TNR: variants seen among roughly 807,000 people sequenced by gnomAD.
TNR encodes the protein tenascin R.
In TNR, 45 loss-of-function variants were observed where a neutral mutation model predicts 150.4. The observed-to-expected ratio is 0.30, with a 90% CI of 0.24 to 0.38. The LOEUF (loss-of-function observed/expected upper bound fraction) is 0.38. Ranked by LOEUF, TNR falls within the 10% of genes least tolerant of loss-of-function variation. The probability of loss-of-function intolerance (pLI) is 1.00; values close to 1 mark genes in which losing one functional copy is unlikely to be tolerated. For synonymous variants in TNR, 687 were observed against 678.4 expected (o/e 1.01, Z -0.20); for missense variants, 1,544 against 1,759.1 (o/e 0.88, Z 2.19).
rs980158879 is a variant in TNR, at chr1:175,483,008, C to T, written c.-64+45261G>A. On this transcript the variant is annotated intron_variant, in intron 2 of 22. Coordinates refer to ENST00000367674, the MANE Select transcript of TNR (RefSeq NM_003285.3). ...TGGGAAGAGGGGTTGAGCAATTCCT[C>T]CAAACTGAATTAGGGATTGCCTGCA... Among the ~76,000 whole-genome samples the T allele has an allele frequency of 2.6e-5, 4 of 152,200 alleles. No homozygotes were observed. The South Asian group carries it at 6.2e-4, about 24-fold the overall frequency.
In TNR at chr1:175,623,455, A is replaced by T. The variant is rs73033313; in HGVS notation, c.-164-95086T>A. 8.6e-3 allele frequency among the ~76,000 whole-genome samples: 1,312 copies of T among 152,264 alleles called. 15 individuals are homozygous for T. The highest frequency in any genetic ancestry group is 0.03 in the African/African-American group (1,249 of 41,542). ...TGCTCTGGGCATCCCAATTTGTTGG[A>T]GGTGCAGGAGGTGATGTTTGCTCAC... On this transcript the variant is annotated intron_variant, in intron 1 of 22. Transcript: ENST00000367674.
At chr1:175,425,526 C>T (rs1045838970) in intron 2 of TNR, among the ~76,000 whole-genome samples, 2 of 152,122 alleles carry the variant, frequency 1.3e-5, no homozygotes, top group Admixed American at 6.5e-5. Context: ...TATGATATGA[C>T]TCTCCTGGGT....
chr1:175,584,381 G>A (rs1397930910), intron 1 of TNR, among the ~76,000 whole-genome samples: 1 of 152,210 alleles, frequency 6.6e-6, no homozygotes, highest in Admixed American at 6.5e-5. Context: ...AGAAGCAAGG[G>A]AGGATTCTCC....
At chr1:175,434,339 C>T (rs939476200) in intron 2 of TNR, among the ~76,000 whole-genome samples, 1 of 152,126 alleles carries the variant, frequency 6.6e-6, no homozygotes, top group Non-Finnish European at 1.5e-5. Context: ...CACCTCTTGC[C>T]TGAATTGGAG....
chr1:175,511,542 A>G (rs1299313148), intron 2 of TNR, among the ~76,000 whole-genome samples: 3 of 152,190 alleles, frequency 2.0e-5, no homozygotes, highest in Admixed American at 6.5e-5. Flanking sequence ...CTCTATGATG[A>G]CCCTGTGACA....
chr1:175,452,998 G>A (rs1656394071), intron 2 of TNR, among the ~76,000 whole-genome samples: 1 of 152,090 alleles, frequency 6.6e-6, no homozygotes, highest in Non-Finnish European at 1.5e-5. Flanking sequence ...CAGAGATGCA[G>A]CCAGCATGAT....
intron 1 of TNR, among the ~76,000 whole-genome samples, chr1:175,673,927 T>G (rs1665777795): frequency 6.6e-6 from 1 of 152,254 alleles, no homozygotes; most frequent in Non-Finnish European, 1.5e-5. Flanking sequence ...GCTAAGTACA[T>G]AGTGCCATCC....
intron 18 of TNR, among the ~76,000 whole-genome samples, chr1:175,351,801 G>A (rs1300539081): frequency 2.6e-5 from 4 of 152,166 alleles, no homozygotes; most frequent in African/African-American, 4.8e-5. Flanking sequence ...TCTTTGCCAT[G>A]TACCACAGAA....
chr1:175,488,681 G>A lies in TNR; in HGVS notation c.-64+39588C>T, dbSNP rs1056256397. On this transcript the variant is annotated intron_variant, in intron 2 of 22. Transcript: ENST00000367674. ...TGAATATTGATCCCCAGCTGCCACC[G>A]AAGTTCTACTATGGGCTAGTGCACA... 1.8e-4 allele frequency among the ~76,000 whole-genome samples: 27 copies of A among 152,232 alleles called. 1 individual carries two copies. Among genetic ancestry groups the A allele is most frequent in the Admixed American group, 1.6e-3 (25 of 15,284 alleles).
Position 175,596,595 on chromosome 1 carries a change from T to TG in TNR, c.-164-68227dup, listed in dbSNP as rs1297860644. Among the ~76,000 whole-genome samples the TG allele has an allele frequency of 1.6e-4, 25 of 152,150 alleles. 1 individual carries two copies. Reference sequence around the variant, plus strand: ...ACATAACAAACCTCATTTTCCAGTGTGGGAAAAAAAATCATTGAAATAATT... The same window carrying TG: ...ACATAACAAACCTCATTTTCCAGTGTGGGGAAAAAAAATCATTGAAATAATT... On this transcript the variant is annotated intron_variant, in intron 1 of 22. Coordinates refer to ENST00000367674, the MANE Select transcript of TNR (RefSeq NM_003285.3).
intron 6 of TNR, among the ~76,000 whole-genome samples, chr1:175,393,156 T>A (rs1653258186): frequency 6.6e-6 from 1 of 152,186 alleles, no homozygotes; most frequent in African/African-American, 2.4e-5. Context: ...GAAAAGTTAG[T>A]TTTAGAATTA....
At chr1:175,593,568 G>A (rs1424085086) in intron 1 of TNR, among the ~76,000 whole-genome samples, 1 of 152,156 alleles carries the variant, frequency 6.6e-6, no homozygotes, top group African/African-American at 2.4e-5. Context: ...ATAAGTTTTG[G>A]AAACTAGCAT....
intron 2 of TNR, among the ~76,000 whole-genome samples, chr1:175,426,444 GT>G (rs1402834819): frequency 2.6e-5 from 4 of 152,104 alleles, no homozygotes; most frequent in Admixed American, 2.6e-4. Context: ...GGATGAGGAG[GT>G]GGTGCAACTG....
At chr1:175,671,196 T>C (rs940580646) in intron 1 of TNR, among the ~76,000 whole-genome samples, 1 of 152,162 alleles carries the variant, frequency 6.6e-6, no homozygotes, top group Non-Finnish European at 1.5e-5. Flanking sequence ...GGAAAGACGA[T>C]GGGCCAGCTT....
chr1:175,467,168 GC>G (rs1657071142), intron 2 of TNR, among the ~76,000 whole-genome samples: 1 of 152,094 alleles, frequency 6.6e-6, no homozygotes, highest in Non-Finnish European at 1.5e-5. Context: ...ATTTCTAAGT[GC>G]CCTAGAGTCC....
intron 1 of TNR, among the ~76,000 whole-genome samples, chr1:175,738,939 G>A (rs1469583302): frequency 6.6e-6 from 1 of 152,158 alleles, no homozygotes; most frequent in Non-Finnish European, 1.5e-5. Context: ...GTATCTCTGC[G>A]CTTCTGCCGA....
intron 1 of TNR, among the ~76,000 whole-genome samples, chr1:175,563,909 G>T (rs370051155): frequency 1.3e-5 from 2 of 152,086 alleles, no homozygotes; most frequent in African/African-American, 4.8e-5. Context: ...TAAGGCTCAC[G>T]CCACCCTTCT....
chr1:175,644,096 G>A (rs1009557780), intron 1 of TNR, among the ~76,000 whole-genome samples: 1 of 152,178 alleles, frequency 6.6e-6, no homozygotes, highest in Admixed American at 6.5e-5. Flanking sequence ...TGCCTAATAT[G>A]TTAATAGTAT....
intron 6 of TNR, among the ~76,000 whole-genome samples, chr1:175,392,153 G>A (rs945683227): frequency 2.0e-5 from 3 of 150,734 alleles, no homozygotes; most frequent in African/African-American, 4.9e-5. Context: ...GTAACTTGAC[G>A]AAATTGAATC....
Sources: allele counts gnomAD v4.1 joint callset (sites outside exome capture counted in the v4.1 genomes callset), GRCh38; gene constraint gnomAD v4.1.1; transcripts MANE v1.5; gene names NCBI Gene and HGNC (gene_info 2026-07-23, HGNC 2026-07-21).